Variants in PTPRG observed in about 807,000 individuals in gnomAD.
PTPRG encodes the protein protein tyrosine phosphatase receptor type G.
In PTPRG, 102 loss-of-function variants were observed where a neutral mutation model predicts 165.3. The ratio of observed to expected loss-of-function variants is 0.62; its 90% CI spans 0.53 to 0.73. The LOEUF is 0.73. PTPRG is among the 30% of genes least tolerant of loss of function. The pLI, the probability that PTPRG is intolerant of heterozygous loss-of-function variation, is 0.00. For synonymous variants in PTPRG, 675 were observed against 669.5 expected (o/e 1.01, Z -0.13); for missense variants, 1,866 against 1,861.4 (o/e 1.00, Z -0.05).
intron 28 of PTPRG, among the ~76,000 whole-genome samples, chr3:62,285,738 A>G (rs1264115079): frequency 6.6e-6 from 1 of 151,386 alleles, no homozygotes; most frequent in Non-Finnish European, 1.5e-5. Flanking sequence ...TTTTAAAAAC[A>G]GCTGGGTTCC....
At chr3:61,919,497 A>T (rs1329416825) in intron 2 of PTPRG, among the ~76,000 whole-genome samples, 2 of 152,128 alleles carry the variant, frequency 1.3e-5, no homozygotes, top group Non-Finnish European at 2.9e-5. Flanking sequence ...TCCCTCCACG[A>T]TGGAGTTTCC....
chr3:61,816,067 A>G (rs972031327), intron 2 of PTPRG, among the ~76,000 whole-genome samples: 1 of 152,202 alleles, frequency 6.6e-6, no homozygotes, highest in African/African-American at 2.4e-5. Context: ...TAAGTTTGTT[A>G]TGAAATCTGT....
intron 5 of PTPRG, among the ~76,000 whole-genome samples, chr3:62,094,706 T>C (rs1392918627): frequency 6.6e-6 from 1 of 152,208 alleles, no homozygotes; most frequent in Non-Finnish European, 1.5e-5. Context: ...ACGTCCCCAC[T>C]GAGGCTATCC....
In PTPRG at chr3:61,808,260, T is replaced by A. The variant is rs139264614; in HGVS notation, c.190+59278T>A. Among the ~76,000 whole-genome samples the A allele has an allele frequency of 1.4e-4, 21 of 152,300 alleles. No individual in the cohort carries two copies. The East Asian group carries it at 4.1e-3, about 29-fold the overall frequency. On this transcript the variant is annotated intron_variant, in intron 2 of 29. Coordinates refer to ENST00000474889, the MANE Select transcript of PTPRG (RefSeq NM_002841.4). ...ACTAGGAGAAAACCCTCCGATTTTTTGTTTGGTTATTTTTAAGTGGAGAAG... is the reference window on the plus strand; with the variant it reads ...ACTAGGAGAAAACCCTCCGATTTTTAGTTTGGTTATTTTTAAGTGGAGAAG...
intron 2 of PTPRG, among the ~76,000 whole-genome samples, chr3:61,842,800 A>G (rs969833802): frequency 1.3e-5 from 2 of 152,120 alleles, no homozygotes; most frequent in Non-Finnish European, 2.9e-5. Context: ...TGGCAGAGCT[A>G]CAAGACAGAA....
chr3:61,588,074 C>G (rs569907276), intron 1 of PTPRG, among the ~76,000 whole-genome samples: 3 of 151,992 alleles, frequency 2.0e-5, no homozygotes, highest in Non-Finnish European at 4.4e-5. Context: ...CTTTCTCTTT[C>G]ATGACCCTGC....
At chr3:62,066,267 A>G (rs1701010132) in intron 4 of PTPRG, among the ~76,000 whole-genome samples, 1 of 152,258 alleles carries the variant, frequency 6.6e-6, no homozygotes, top group African/African-American at 2.4e-5. Context: ...TGAGAAAGTA[A>G]CAAACTATAT....
chr3:61,641,978 C>A (rs1040579348), intron 1 of PTPRG, among the ~76,000 whole-genome samples: 16 of 152,128 alleles, frequency 1.1e-4, no homozygotes, highest in Non-Finnish European at 1.9e-4. Flanking sequence ...GAGGGCACCC[C>A]CCAGCCTCCT....
intron 2 of PTPRG, among the ~76,000 whole-genome samples, chr3:61,943,407 A>G (rs2039681781): frequency 6.6e-6 from 1 of 152,168 alleles, no homozygotes; most frequent in African/African-American, 2.4e-5. Flanking sequence ...CCTGGCCAAC[A>G]TGGCGCAACT....
intron 1 of PTPRG, among the ~76,000 whole-genome samples, chr3:61,738,348 A>ATGTG (rs1162508239): frequency 3.6e-5 from 5 of 137,138 alleles, no homozygotes; most frequent in Admixed American, 1.5e-4. Flanking sequence ...GTATATATAT[A>ATGTG]TATAAACCTA....
chr3:61,854,399 G>A (rs1367638540), intron 2 of PTPRG, among the ~76,000 whole-genome samples: 1 of 152,128 alleles, frequency 6.6e-6, no homozygotes, highest in Admixed American at 6.5e-5. Context: ...AATAAGGGAA[G>A]ACAGGTAAAG....
chr3:62,066,591 C>T (rs1485176518), intron 4 of PTPRG, among the ~76,000 whole-genome samples: 4 of 152,204 alleles, frequency 2.6e-5, no homozygotes, highest in Non-Finnish European at 5.9e-5. Flanking sequence ...CCCTCCCCCT[C>T]CACTGTGTCC....
At chr3:61,957,125 T>C (rs1575822442) in intron 2 of PTPRG, among the ~76,000 whole-genome samples, 1 of 152,346 alleles carries the variant, frequency 6.6e-6, no homozygotes, top group East Asian at 1.9e-4. Context: ...AAGCCATGTA[T>C]GTTTAACTGA....
chr3:61,794,748 A>G (rs1575669093), intron 2 of PTPRG, among the ~76,000 whole-genome samples: 1 of 152,180 alleles, frequency 6.6e-6, no homozygotes, highest in Non-Finnish European at 1.5e-5. Flanking sequence ...TTTTCGTTTG[A>G]AAGCTGGTGT....
chr3:62,127,150 C>T (rs994464572), intron 5 of PTPRG, among the ~76,000 whole-genome samples: 1 of 152,198 alleles, frequency 6.6e-6, no homozygotes, highest in African/African-American at 2.4e-5. Flanking sequence ...AAGTGTTTAA[C>T]TTATTAATAA....
intron 2 of PTPRG, among the ~76,000 whole-genome samples, chr3:61,928,856 G>A (rs780727432): frequency 6.6e-6 from 1 of 152,134 alleles, no homozygotes; most frequent in Non-Finnish European, 1.5e-5. Flanking sequence ...TAAAACAGTT[G>A]ATTGGAGTCA....
At chr3:61,889,092 C>A (rs1159544630) in intron 2 of PTPRG, among the ~76,000 whole-genome samples, 1 of 152,178 alleles carries the variant, frequency 6.6e-6, no homozygotes, top group African/African-American at 2.4e-5. Flanking sequence ...TAAGATGATA[C>A]TTTGAATCTG....
intron 4 of PTPRG, among the ~76,000 whole-genome samples, chr3:62,057,479 G>A (rs2106675843): frequency 6.6e-6 from 1 of 152,348 alleles, no homozygotes; most frequent in African/African-American, 2.4e-5. Flanking sequence ...ATCTTAGACA[G>A]TGGTGTTACC....
chr3:61,787,581 T>A (rs2034745747), intron 2 of PTPRG, among the ~76,000 whole-genome samples: 1 of 152,206 alleles, frequency 6.6e-6, no homozygotes, highest in Non-Finnish European at 1.5e-5. Flanking sequence ...ATCACCATAG[T>A]CCGCTTTATT....
Sources: allele counts gnomAD v4.1 joint callset (sites outside exome capture counted in the v4.1 genomes callset), GRCh38; gene constraint gnomAD v4.1.1; transcripts MANE v1.5; gene names NCBI Gene and HGNC (gene_info 2026-07-23, HGNC 2026-07-21).